Variants in METTL17 observed in about 807,000 individuals in gnomAD.
METTL17 encodes the protein methyltransferase like 17, also known as ribosome assembly protein METTL17, mitochondrial.
A neutral mutation model predicts 59.4 loss-of-function variants in METTL17; 49 were observed. The ratio of observed to expected loss-of-function variants is 0.82; its 90% CI spans 0.66 to 1.05. METTL17 has a LOEUF of 1.05. METTL17 is among the 50% of genes least tolerant of loss of function. The pLI, the probability that METTL17 is intolerant of heterozygous loss-of-function variation, is 0.00. For missense variants in METTL17, 555 were observed against 578.4 expected (o/e 0.96, Z 0.41); for synonymous variants, 208 against 209.2 (o/e 0.99, Z 0.05).
At position 20,990,075 on chromosome 14, in the gene METTL17, C is replaced by T; in HGVS notation, c.73C>T (p.Arg25Trp). The T allele has an allele frequency of 1.2e-6, 2 of 1,613,098 alleles. No individual in the cohort carries two copies. Among genetic ancestry groups the T allele is most frequent in the Non-Finnish European group, 1.7e-6 (2 of 1,180,012 alleles). The change falls in exon 1 of 14, where the codon CGG becomes TGG. Residue 25 changes from arginine (R) to tryptophan (W), a missense_variant and splice_region_variant. By Grantham distance (101) the Arg-to-Trp change is moderately radical. Transcript: ENST00000339374. ...CGGCCTTGGAGTGGCTCCCCAGGCC[C>T]GGGTGAGTGCCTACATTCCCTGCTG... ...CPGLGVAPQARALAALVPGVT... is the reference protein window; with the variant it reads ...CPGLGVAPQAWALAALVPGVT...
Position 20,989,997 on chromosome 14 carries a change from G to T in METTL17, c.-6G>T. The T allele has an allele frequency of 1.9e-6, 3 of 1,586,702 alleles. No homozygotes were observed. Among genetic ancestry groups the T allele is most frequent in the Non-Finnish European group, 2.6e-6 (3 of 1,163,728 alleles). The stretch of plus-strand genomic sequence containing the variant: ...GTATTTCCGTTTCCGGTTCGCCTCC[G>T]GAGCCATGGCGGCGGCACTGAAGTG... On this transcript the variant is annotated 5_prime_UTR_variant, in exon 1 of 14. Coordinates refer to ENST00000339374, the MANE Select transcript of METTL17 (RefSeq NM_022734.3).
In METTL17 at chr14:20,990,079, T is replaced by A; in HGVS notation, c.75+2T>A. 1 of 1,612,798 alleles carries A rather than the reference T, an allele frequency of 6.2e-7. No homozygotes were observed. Among genetic ancestry groups the A allele is most frequent in the Non-Finnish European group, 8.5e-7 (1 of 1,179,998 alleles). ...CTTGGAGTGGCTCCCCAGGCCCGGG[T>A]GAGTGCCTACATTCCCTGCTGTCGG... On this transcript the variant is annotated splice_donor_variant, in intron 1 of 13. Coordinates refer to ENST00000339374, the MANE Select transcript of METTL17 (RefSeq NM_022734.3). LOFTEE classifies it high-confidence loss of function.
At chr14:20,993,939 T>G in intron 6 of METTL17, 30 bp from the exon 7 acceptor site, 1 of 1,557,574 alleles carries the variant, frequency 6.4e-7, no homozygotes, top group East Asian at 2.2e-5. Context: ...TCATGGGAAT[T>G]GGTGATTTAT....
At position 20,996,565 on chromosome 14, in the gene METTL17, C is replaced by A; in HGVS notation, c.1119C>A (p.Ile373=). ...KPKEEKFSMV[I]LARGSPEEAH... ...AGGAAGAAAAGTTCTCTATGGTGAT[C>A]CTTGCTCGGGGGTCTCCAGAGGAGG... is the stretch of plus-strand genomic sequence containing the variant. Residue 373 remains isoleucine, a synonymous_variant, in exon 13 of 14, where the codon ATC becomes ATA. Transcript: ENST00000339374. 6.2e-7 allele frequency: 1 copy of A among 1,614,026 alleles called. No homozygotes were observed. The highest frequency in any genetic ancestry group is 1.1e-5 in the South Asian group (1 of 91,060).
At position 20,993,191 on chromosome 14, in the gene METTL17, G is replaced by T. The variant is rs750021984; in HGVS notation, c.602G>T (p.Trp201Leu). The T allele has an allele frequency of 2.5e-6, 4 of 1,613,812 alleles. No homozygotes were observed. Among genetic ancestry groups the T allele is most frequent in the Non-Finnish European group, 3.4e-6 (4 of 1,179,864 alleles). ...DFGSGTGSVT[W>L]AAHSIWGQSL... Reference sequence around the variant, plus strand: ...GGCTCAGGTACTGGTTCTGTCACCTGGTGAGTAACTTTCTTCAGCCCTATC... The same window carrying T: ...GGCTCAGGTACTGGTTCTGTCACCTTGTGAGTAACTTTCTTCAGCCCTATC... The change falls in exon 6 of 14, where the codon TGG (tryptophan) becomes TTG (leucine). Residue 201 changes from tryptophan to leucine, a missense_variant and splice_region_variant. Coordinates refer to ENST00000339374, the MANE Select transcript of METTL17 (RefSeq NM_022734.3).
chr14:20,996,238 G>A lies in METTL17; in HGVS notation c.1026G>A (p.Leu342=). 6.2e-7 allele frequency: 1 copy of A among 1,613,940 alleles called. No homozygotes were observed. The highest frequency in any genetic ancestry group is 1.1e-5 in the South Asian group (1 of 91,060). The part of the protein sequence containing the change: ...PCPHELPCPQ[L]TNLACSFSQA... ...CCCATGAACTCCCTTGTCCCCAGTT[G>A]ACCAACCTGGCCTGTAGCTTCTCAC... The change falls in exon 12 of 14, where the codon TTG becomes TTA. Residue 342 remains leucine (L), a synonymous_variant. Transcript: ENST00000339374.
Position 20,996,250 on chromosome 14 carries a change from C to G in METTL17, c.1038C>G (p.Ala346=). 2 of 1,614,186 alleles carry G rather than the reference C, an allele frequency of 1.2e-6. No individual in the cohort carries two copies. Among genetic ancestry groups the G allele is most frequent in the Non-Finnish European group, 8.5e-7 (1 of 1,180,042 alleles). Reference sequence around the variant, plus strand: ...CTTGTCCCCAGTTGACCAACCTGGCCTGTAGCTTCTCACAGGCGTACCATC... The same window carrying G: ...CTTGTCCCCAGTTGACCAACCTGGCGTGTAGCTTCTCACAGGCGTACCATC... ...ELPCPQLTNL[A]CSFSQAYHPI... is the part of the protein sequence containing the mutation. Residue 346 remains alanine, a synonymous_variant, in exon 12 of 14, where the codon GCC becomes GCG. Transcript: ENST00000339374.
chr14:20,991,411 T>A (rs1880021638), intron 3 of METTL17, among the ~76,000 whole-genome samples: 2 of 152,046 alleles, frequency 1.3e-5, no homozygotes, highest in South Asian at 4.1e-4. Flanking sequence ...AACTGAACAG[T>A]CATGAGACGT....
Position 20,996,819 on chromosome 14 carries a change from G to A in METTL17, c.1300G>A (p.Gly434Arg). The A allele has an allele frequency of 1.2e-6, 2 of 1,614,082 alleles. No homozygotes were observed. The highest frequency in any genetic ancestry group is 1.7e-6 in the Non-Finnish European group (2 of 1,180,024). The change falls in exon 14 of 14, where the codon GGA (glycine) becomes AGA (arginine). Residue 434 changes from glycine to arginine, a missense_variant. Coordinates refer to ENST00000339374, the MANE Select transcript of METTL17 (RefSeq NM_022734.3). The stretch of plus-strand genomic sequence containing the variant: ...TCGTTGTGCCCGTGTCAGCTCCTGG[G>A]GAGATCTTTTACCTGTGCTTACTCC... ...LYRCARVSSW[G>R]DLLPVLTPSA...
chr14:20,992,172 T>C lies in METTL17; in HGVS notation c.413T>C (p.Leu138Pro), dbSNP rs758799005. 2.5e-6 allele frequency: 4 copies of C among 1,610,090 alleles called. No homozygotes were observed. The highest frequency in any genetic ancestry group is 1.3e-5 in the African/African-American group (1 of 74,764). The change falls in exon 4 of 14, where the codon CTA becomes CCA. Residue 138 changes from leucine to proline, a missense_variant. By Grantham distance (98) the Leu-to-Pro change is moderately conservative. Transcript: ENST00000339374. Reference sequence around the variant, plus strand: ...CTTCGTGGAGCAGTGCTACACGCACTACGTAAAACTACCTACCATTGGCAA... The same window carrying C: ...CTTCGTGGAGCAGTGCTACACGCACCACGTAAAACTACCTACCATTGGCAA... ...EKLRGAVLHA[L>P]RKTTYHWQEL...
intron 11 of METTL17, 107 bp downstream of exon 11, chr14:20,996,058 C>G (rs1223343079): frequency 1.6e-5 from 21 of 1,329,384 alleles, no homozygotes; most frequent in Non-Finnish European, 2.2e-5. Flanking sequence ...GTGTTCCTAT[C>G]CAGTTCCTAC....
intron 10 of METTL17, among the ~76,000 whole-genome samples, chr14:20,995,664 A>G (rs1308292562): frequency 2.0e-5 from 3 of 152,122 alleles, no homozygotes; most frequent in Non-Finnish European, 1.5e-5. Context: ...TTGAGAGTGG[A>G]GGTTGCTGAC....
rs983795339 is a variant in METTL17 at position 20,992,920 on chromosome 14, T to A, written c.529-198T>A. ...ACACAAAATAAAGACGTTCTCTTTATCCTGTGAAAGCTTTCTGTGACCCAA... is the reference window on the plus strand; with the variant it reads ...ACACAAAATAAAGACGTTCTCTTTAACCTGTGAAAGCTTTCTGTGACCCAA... On this transcript the variant is annotated intron_variant, in intron 5 of 13. Transcript: ENST00000339374. 9 of 612,972 alleles carry A rather than the reference T, an allele frequency of 1.5e-5. No individual in the cohort carries two copies. In the Admixed American group the frequency reaches 2.6e-4, roughly 18 times the overall value. The allele number at this position is 612,972 out of a possible 1,614,324, so 38.0% of individuals were successfully genotyped here.
At chr14:20,990,133 C>G (rs754493204) in intron 1 of METTL17, 56 bp downstream of exon 1, 1 of 1,611,148 alleles carries the variant, frequency 6.2e-7, no homozygotes. Flanking sequence ...GAGACATCTC[C>G]GCGCAGAGGA....
At chr14:20,993,687 C>T (rs4982388) in intron 6 of METTL17, 139,436 of 238,566 alleles carry the variant, frequency 0.58, 41,084 homozygotes, top group Middle Eastern at 0.6. Context: ...ATTGGCCAGG[C>T]TGGTCTCTAA....
At position 20,992,631 on chromosome 14, in the gene METTL17, C is replaced by T. The variant is rs1880097480; in HGVS notation, c.528+9C>T. On this transcript the variant is annotated intron_variant, in intron 5 of 13. Coordinates refer to ENST00000339374, the MANE Select transcript of METTL17 (RefSeq NM_022734.3). ...CCAGAGCATTCCATGAGGTGAAAGT[C>T]CCTTAACTTCCAACCTGAACTTTTT... The T allele has an allele frequency of 6.2e-7, 1 of 1,606,530 alleles. No homozygotes were observed. Among genetic ancestry groups the T allele is most frequent in the Admixed American group, 1.7e-5 (1 of 59,946 alleles).
intron 3 of METTL17, chr14:20,990,822 G>GT: frequency 5.1e-6 from 3 of 590,490 alleles, no homozygotes; most frequent in East Asian, 6.2e-5. Context: ...TTGTTTGTTT[G>GT]TTTGTTTTGT....
At chr14:20,991,657 A>T (rs1254378813) in intron 3 of METTL17, 1 of 174,316 alleles carries the variant, frequency 5.7e-6, no homozygotes, top group African/African-American at 2.4e-5. Flanking sequence ...CAGCTTCCCA[A>T]GTAGCTGGGA....
At chr14:20,996,497 T>G in intron 12 of METTL17, 30 bp from the exon 13 acceptor site, 1 of 1,587,270 alleles carries the variant, frequency 6.3e-7, no homozygotes, top group Non-Finnish European at 8.6e-7. Flanking sequence ...ATCTTTTTCT[T>G]CTAAACAGTC....
Sources: allele counts gnomAD v4.1 joint callset (sites outside exome capture counted in the v4.1 genomes callset), GRCh38; gene constraint gnomAD v4.1.1; transcripts MANE v1.5; gene names NCBI Gene and HGNC (gene_info 2026-07-23, HGNC 2026-07-21).